Variants in AKAP13 observed in about 807,000 individuals in gnomAD.
AKAP13 encodes A-kinase anchor protein 13.
AKAP13 carries 80 observed loss-of-function variants against 264.5 expected under a neutral mutation model. The ratio of observed to expected loss-of-function variants is 0.30; its 90% confidence interval spans 0.25 to 0.36. The LOEUF is 0.36. Among genes scored for constraint, AKAP13 ranks in the 10% least tolerant of loss-of-function variants. The pLI, the probability that AKAP13 is intolerant of heterozygous loss-of-function variation, is 1.00. For missense variants in AKAP13, 3,712 were observed against 3,435.2 expected, an observed-to-expected ratio of 1.08 and a Z score of -2.01; for synonymous variants, 1,380 against 1,250.2, an observed-to-expected ratio of 1.10 and a Z score of -2.19.
intron 1 of AKAP13, among the ~76,000 whole-genome samples, chr15:85,383,775 A>G (rs956876725): frequency 6.6e-6 from 1 of 152,202 alleles, no homozygotes; most frequent in Non-Finnish European, 1.5e-5. Context: ...TTTTCAGTAC[A>G]TCAGTCATAA....
At chr15:85,612,629 C>T (rs2080699697) in intron 8 of AKAP13, among the ~76,000 whole-genome samples, 1 of 151,992 alleles carries the variant, frequency 6.6e-6, no homozygotes, top group Non-Finnish European at 1.5e-5. Flanking sequence ...CAAGACCAGC[C>T]AGGTCAACAT....
At chr15:85,691,917 C>T in intron 16 of AKAP13, 1 of 470,604 alleles carries the variant, frequency 2.1e-6, no homozygotes, top group Non-Finnish European at 4.3e-6. Flanking sequence ...ACACTGCCTG[C>T]TTTTCCTGCC....
chr15:85,636,718 G>A (rs1272966484), intron 8 of AKAP13, among the ~76,000 whole-genome samples: 1 of 151,824 alleles, frequency 6.6e-6, no homozygotes, highest in Non-Finnish European at 1.5e-5. Flanking sequence ...GGGTTCAAGT[G>A]ATTCTCATGC....
At chr15:85,609,152 A>G (rs1210405994) in intron 8 of AKAP13, among the ~76,000 whole-genome samples, 1 of 152,158 alleles carries the variant, frequency 6.6e-6, no homozygotes, top group African/African-American at 2.4e-5. Context: ...TCTTCCCGCT[A>G]GTTTGAAATA....
chr15:85,657,891 C>A (rs1005870021), intron 11 of AKAP13, among the ~76,000 whole-genome samples: 1 of 152,012 alleles, frequency 6.6e-6, no homozygotes, highest in South Asian at 2.1e-4. Context: ...TCTTTATAAT[C>A]CACTATGGGT....
At chr15:85,522,941 G>T (rs534689595) in intron 3 of AKAP13, among the ~76,000 whole-genome samples, 1 of 21,196 alleles carries the variant, frequency 4.7e-5, no homozygotes, top group Non-Finnish European at 1.0e-4. Flanking sequence ...CCCTCCCCCC[G>T]TCGCCCCCAT....
At chr15:85,686,671 G>C (rs895804313) in intron 16 of AKAP13, among the ~76,000 whole-genome samples, 1 of 151,636 alleles carries the variant, frequency 6.6e-6, no homozygotes, top group Non-Finnish European at 1.5e-5. Flanking sequence ...TTACATATTG[G>C]CAGCCAGGCT....
At chr15:85,525,924 A>G (rs1341867951) in intron 3 of AKAP13, among the ~76,000 whole-genome samples, 3 of 152,212 alleles carry the variant, frequency 2.0e-5, no homozygotes, top group Non-Finnish European at 2.9e-5. Context: ...TGGGTTTTGT[A>G]TACTATTTTT....
At chr15:85,392,678 C>A (rs551135329) in intron 1 of AKAP13, among the ~76,000 whole-genome samples, 2 of 152,072 alleles carry the variant, frequency 1.3e-5, no homozygotes, top group Non-Finnish European at 2.9e-5. Context: ...GTTGCTGTGA[C>A]TATAGGCACA....
In AKAP13 at chr15:85,533,602, C is replaced by A; in HGVS notation, c.200C>A (p.Thr67Lys). The change falls in exon 4 of 37, where the codon ACA (threonine) becomes AAA (lysine). Residue 67 changes from threonine to lysine, a missense_variant. By Grantham distance (78) the Thr-to-Lys change is moderately conservative. This residue lies in a region of AKAP13 where 2,759 missense variants were observed against 2,411.7 expected (regional missense o/e 1.14). Transcript: ENST00000394518. ...CCTTTAGGTCATGATTGTTGTGAAA[C>A]AGTGAAGGTGCAGCTCTGTGCTTCC... ...TIAPGHDCCE[T>K]VKVQLCASKE... The A allele has an allele frequency of 6.2e-7, 1 of 1,610,232 alleles. No individual in the cohort carries two copies. The highest frequency in any genetic ancestry group is 8.5e-7 in the Non-Finnish European group (1 of 1,178,104).
chr15:85,510,979 C>T (rs985599218), intron 2 of AKAP13, among the ~76,000 whole-genome samples: 1 of 152,012 alleles, frequency 6.6e-6, no homozygotes, highest in East Asian at 1.9e-4. Context: ...GTCCATAGGG[C>T]CATTTCTGGG....
In AKAP13 at chr15:85,575,154, C is replaced by A. The variant is rs2078964570; in HGVS notation, c.686C>A (p.Ser229Tyr). ...LTEENAGEPD[S>Y]WSSLSYEIPY... is the part of the protein sequence containing the mutation. ...AGGGAGAATGCTGGAGAACCAGACT[C>A]CTGGAGCAGTTTATCCTATGAAATA... The change falls in exon 6 of 37, where the codon TCC (serine) becomes TAC (tyrosine). Residue 229 changes from serine (S) to tyrosine (Y), a missense_variant. Ser to Tyr is a moderately radical substitution (Grantham distance 144, BLOSUM62 -2). Transcript: ENST00000394518. 6.2e-7 allele frequency: 1 copy of A among 1,613,994 alleles called. No individual in the cohort carries two copies. The highest frequency in any genetic ancestry group is 1.3e-5 in the African/African-American group (1 of 74,904).
intron 1 of AKAP13, among the ~76,000 whole-genome samples, chr15:85,485,278 A>G (rs1166455392): frequency 1.3e-5 from 2 of 152,224 alleles, no homozygotes; most frequent in African/African-American, 2.4e-5. Flanking sequence ...AGAGAGTTCT[A>G]GTGGTCCCTT....
intron 4 of AKAP13, among the ~76,000 whole-genome samples, chr15:85,540,190 C>A (rs372631660): frequency 2.0e-5 from 3 of 152,112 alleles, no homozygotes; most frequent in Admixed American, 6.6e-5. Flanking sequence ...GCCAAAATAT[C>A]ACGTGAGGAA....
intron 2 of AKAP13, among the ~76,000 whole-genome samples, chr15:85,497,421 G>T (rs2075901728): frequency 6.6e-6 from 1 of 152,188 alleles, no homozygotes; most frequent in Admixed American, 6.5e-5. Context: ...GAAGCTTTCA[G>T]AAAAGGTGGG....
At chr15:85,706,931 T>C (rs1189075299) in intron 17 of AKAP13, among the ~76,000 whole-genome samples, 1 of 152,198 alleles carries the variant, frequency 6.6e-6, no homozygotes, top group Non-Finnish European at 1.5e-5. Flanking sequence ...TCTGGTTTCC[T>C]TCCCTCCCCA....
chr15:85,611,920 A>C (rs999848844), intron 8 of AKAP13, among the ~76,000 whole-genome samples: 1 of 152,150 alleles, frequency 6.6e-6, no homozygotes, highest in African/African-American at 2.4e-5. Flanking sequence ...AATTCCTATT[A>C]AGTCTTCCAT....
At chr15:85,616,839 C>A (rs766935297) in intron 8 of AKAP13, among the ~76,000 whole-genome samples, 4 of 152,160 alleles carry the variant, frequency 2.6e-5, no homozygotes, top group Non-Finnish European at 5.9e-5. Flanking sequence ...CTGAGCAGAT[C>A]CAGAGGGGAA....
intron 8 of AKAP13, among the ~76,000 whole-genome samples, chr15:85,631,494 T>TCACA (rs1277298052): frequency 1.6e-5 from 1 of 63,636 alleles, no homozygotes; most frequent in African/African-American, 5.5e-5. Context: ...TCTCTCTCTC[T>TCACA]CTCTCTCTCA....
Sources: allele counts gnomAD v4.1 joint callset (sites outside exome capture counted in the v4.1 genomes callset), GRCh38; gene constraint gnomAD v4.1.1; regional missense constraint gnomAD v4.1.1; transcripts MANE v1.5; gene names NCBI Gene and HGNC (gene_info 2026-07-23, HGNC 2026-07-21).